MAP3K7CL: variants seen among roughly 807,000 people sequenced by gnomAD.
MAP3K7CL encodes the protein MAP3K7 C-terminal-like protein.
A neutral mutation model predicts 18.6 loss-of-function variants in MAP3K7CL; 16 were observed. The observed-to-expected ratio is 0.86, with a 90% CI of 0.58 to 1.31. MAP3K7CL has a LOEUF of 1.31. Ranked by LOEUF, MAP3K7CL falls within the 50% of genes most tolerant of loss-of-function variation. The probability of loss-of-function intolerance (pLI) is 0.00; values close to 1 mark genes in which losing one functional copy is unlikely to be tolerated. For synonymous variants in MAP3K7CL, 65 were observed against 66.8 expected (o/e 0.97, Z 0.13); for missense variants, 163 against 174.4 (o/e 0.93, Z 0.37).
upstream of MAP3K7CL, among the ~76,000 whole-genome samples, chr21:29,085,444 GGCT>G (rs775362596): frequency 2.0e-5 from 3 of 150,484 alleles, no homozygotes; most frequent in Non-Finnish European, 4.4e-5. Flanking sequence ...AGTGCATTTA[GGCT>G]GAGGCAGGAG....
intron 4 of MAP3K7CL, among the ~76,000 whole-genome samples, chr21:29,123,345 T>G (rs2086629729): frequency 6.6e-6 from 1 of 152,226 alleles, no homozygotes; most frequent in African/African-American, 2.4e-5. Flanking sequence ...ATTACAGGCA[T>G]GAGCCACTGT....
At chr21:29,085,290 C>G (rs759145851), upstream of MAP3K7CL, 4 of 152,214 alleles carry the variant, frequency 2.6e-5, no homozygotes, top group Non-Finnish European at 1.5e-5. Flanking sequence ...ACTTGCTCAC[C>G]AGAACTTGAG....
intron 4 of MAP3K7CL, among the ~76,000 whole-genome samples, chr21:29,104,704 C>T (rs1041821572): frequency 6.6e-6 from 1 of 152,176 alleles, no homozygotes; most frequent in African/African-American, 2.4e-5. Context: ...AATGTGTGTG[C>T]GGTTGTCTCC....
intron 1 of MAP3K7CL, among the ~76,000 whole-genome samples, chr21:29,090,127 T>A (rs1182959764): frequency 2.0e-5 from 3 of 152,196 alleles, no homozygotes; most frequent in Non-Finnish European, 2.9e-5. Context: ...TTCTGCAGTA[T>A]TTTTTACAGA....
chr21:29,118,950 A>G (rs1479996127), intron 4 of MAP3K7CL, among the ~76,000 whole-genome samples: 2 of 152,258 alleles, frequency 1.3e-5, no homozygotes, highest in Non-Finnish European at 2.9e-5. Context: ...TCCCCATTCC[A>G]GAGGTAAACA....
chr21:29,123,011 T>A (rs1285858199), intron 4 of MAP3K7CL, among the ~76,000 whole-genome samples: 2 of 151,512 alleles, frequency 1.3e-5, no homozygotes, highest in African/African-American at 4.9e-5. Context: ...TATACTTAAG[T>A]AATGCTATTT....
chr21:29,160,823 G>A (rs530400552), intron 4 of MAP3K7CL, among the ~76,000 whole-genome samples: 1 of 152,328 alleles, frequency 6.6e-6, no homozygotes, highest in South Asian at 2.1e-4. Context: ...AGCACTGATA[G>A]TCAGGTGTTG....
At chr21:29,171,029 T>C (rs953957899) in intron 4 of MAP3K7CL, among the ~76,000 whole-genome samples, 3 of 152,074 alleles carry the variant, frequency 2.0e-5, no homozygotes, top group Non-Finnish European at 4.4e-5. Context: ...TATTTAATTA[T>C]TGACATTTAC....
At chr21:29,102,530 T>TG (rs1044569983) in intron 4 of MAP3K7CL, 41 of 149,458 alleles carry the variant, frequency 2.7e-4, no homozygotes, top group Admixed American at 2.4e-3. Flanking sequence ...TTGCCCAGGC[T>TG]GGTCTGGAAC....
In MAP3K7CL at chr21:29,098,553, G is replaced by A. The variant is rs138872551; in HGVS notation, c.370+5972G>A. On this transcript the variant is annotated intron_variant, in intron 4 of 6. Coordinates refer to the MAP3K7CL transcript ENST00000286791. ...CTGAATTTCCATTACTTGTGCCACTGTGCACCGTTCTTTCAAAGAAGCGAT... is the reference window on the plus strand; with the variant it reads ...CTGAATTTCCATTACTTGTGCCACTATGCACCGTTCTTTCAAAGAAGCGAT... 5.2e-3 allele frequency among the ~76,000 whole-genome samples: 796 copies of A among 152,316 alleles called. 7 individuals are homozygous for A. Among genetic ancestry groups the A allele is most frequent in the African/African-American group, 0.018 (758 of 41,570 alleles).
chr21:29,088,663 G>C (rs1246465149), intron 1 of MAP3K7CL, among the ~76,000 whole-genome samples: 1 of 152,210 alleles, frequency 6.6e-6, no homozygotes, highest in African/African-American at 2.4e-5. Context: ...ATTACAGTCA[G>C]TCTTAACCTA....
At position 29,153,510 on chromosome 21, in the gene MAP3K7CL, T is replaced by C. The variant is rs183240649; in HGVS notation, c.132+4260T>C. On this transcript the variant is annotated intron_variant, in intron 3 of 4. Coordinates refer to ENST00000399928, the MANE Select transcript of MAP3K7CL (RefSeq NM_001286620.2). ...TCACCCAGGCCAGAGTGCAGTGGCATGATCATGGCTCACTGCAGCCTCGAC... is the reference window on the plus strand; with the variant it reads ...TCACCCAGGCCAGAGTGCAGTGGCACGATCATGGCTCACTGCAGCCTCGAC... Among the ~76,000 whole-genome samples the C allele has an allele frequency of 3.3e-5, 5 of 152,292 alleles. No homozygotes were observed. In the East Asian group the frequency reaches 9.6e-4, roughly 29 times the overall value.
intron 1 of MAP3K7CL, chr21:29,131,508 G>C (rs1018463646): frequency 6.6e-6 from 1 of 152,216 alleles, no homozygotes; most frequent in African/African-American, 2.4e-5. Context: ...CTGGACAGAA[G>C]GGTGGCAGAG....
chr21:29,109,431 C>T, intron 4 of MAP3K7CL: 1 of 1,254,368 alleles, frequency 8.0e-7, no homozygotes, highest in Non-Finnish European at 1.0e-6. Flanking sequence ...AAGTATTTCA[C>T]TAAGTGTGAG....
Position 29,175,102 on chromosome 21 carries a change from A to G in MAP3K7CL, c.*210A>G, listed in dbSNP as rs2087936613. Reference sequence around the variant, plus strand: ...TCATTAACGTGAAACTATTACTAGTATATGTTTTTGGAGATCAGAATTCTT... The same window carrying G: ...TCATTAACGTGAAACTATTACTAGTGTATGTTTTTGGAGATCAGAATTCTT... On this transcript the variant is annotated 3_prime_UTR_variant, in exon 5 of 5. Transcript: ENST00000399928. The G allele has an allele frequency of 9.2e-6, 4 of 434,432 alleles. No individual in the cohort carries two copies. In the Admixed American group the frequency reaches 1.6e-4, roughly 18 times the overall value. The allele number at this position is 434,432 out of a possible 1,614,324, so 26.9% of individuals were successfully genotyped here.
chr21:29,091,757 T>G, exon 3 of MAP3K7CL: 1 of 702,548 alleles, frequency 1.4e-6, no homozygotes, highest in Non-Finnish European at 2.6e-6. Context: ...GTGCTTGGAT[T>G]ACAGGTATGA....
intron 3 of MAP3K7CL, among the ~76,000 whole-genome samples, chr21:29,159,672 T>G (rs553340436): frequency 2.0e-5 from 3 of 152,142 alleles, no homozygotes; most frequent in Non-Finnish European, 2.9e-5. Flanking sequence ...GTAACTGACA[T>G]GTAATGGATT....
intron 4 of MAP3K7CL, among the ~76,000 whole-genome samples, chr21:29,122,655 G>T (rs115756820): frequency 0.02 from 3,067 of 152,288 alleles, 111 homozygotes; most frequent in African/African-American, 0.07. Context: ...TCTAGCTGCT[G>T]CTGCTTTTCT....
At chr21:29,086,094 C>T (rs1297542839) in intron 1 of MAP3K7CL, among the ~76,000 whole-genome samples, 1 of 152,156 alleles carries the variant, frequency 6.6e-6, no homozygotes, top group African/African-American at 2.4e-5. Context: ...TGTTAAGGTG[C>T]TGATTGAAAC....
Sources: allele counts gnomAD v4.1 joint callset (sites outside exome capture counted in the v4.1 genomes callset), GRCh38; gene constraint gnomAD v4.1.1; transcripts MANE v1.5; gene names NCBI Gene and HGNC (gene_info 2026-07-23, HGNC 2026-07-21).